The following CNTLN variants were observed in gnomAD, a reference collection of about 807,000 sequenced individuals.
CNTLN encodes centlein.
A neutral mutation model predicts 180.0 loss-of-function variants in CNTLN; 212 were observed. The observed-to-expected ratio is 1.18, with a 90% confidence interval of 1.05 to 1.32. CNTLN has a LOEUF of 1.32. Among genes scored for constraint, CNTLN ranks in the 40% most tolerant of loss-of-function variants. The probability of loss-of-function intolerance (pLI) is 0.00; values close to 1 mark genes in which losing one functional copy is unlikely to be tolerated. For synonymous variants in CNTLN, 722 were observed against 563.1 expected (o/e 1.28, Z -3.99); for missense variants, 2,095 against 1,610.9 (o/e 1.30, Z -5.14).
chr9:17,339,485 G>T (rs1329320306), intron 10 of CNTLN, among the ~76,000 whole-genome samples: 2 of 152,088 alleles, frequency 1.3e-5, no homozygotes, highest in Non-Finnish European at 2.9e-5. Context: ...TCCATATTTT[G>T]CAGGAAAAAA....
At chr9:17,217,669 C>A (rs1427542743) in intron 2 of CNTLN, among the ~76,000 whole-genome samples, 2 of 152,132 alleles carry the variant, frequency 1.3e-5, no homozygotes, top group Non-Finnish European at 2.9e-5. Context: ...AATATTTGCA[C>A]AATCATGAAA....
chr9:17,412,807 C>T (rs555192591), intron 16 of CNTLN, among the ~76,000 whole-genome samples: 4 of 152,100 alleles, frequency 2.6e-5, no homozygotes, highest in South Asian at 2.1e-4. Context: ...GTATATGACA[C>T]GTATATTAAA....
In CNTLN at chr9:17,394,659, TAC is replaced by T; in HGVS notation, c.2207_2208del (p.Thr736ArgfsTer15). The T allele has an allele frequency of 6.2e-7, 1 of 1,612,514 alleles. No homozygotes were observed. Among genetic ancestry groups the T allele is most frequent in the Non-Finnish European group, 8.5e-7 (1 of 1,179,354 alleles). ...CCCTCTTAAAACAGCAACAAGAAGATACAGAGACCAGAGAAAAAGAGCTAGAA... is the reference window on the plus strand; with the variant it reads ...CCCTCTTAAAACAGCAACAAGAAGATAGAGACCAGAGAAAAAGAGCTAGAA... The part of the protein sequence containing the change: ...KSLLKQQQED[T>X]ETREKELEQI... On this transcript the variant is annotated frameshift_variant, in exon 15 of 26. Coordinates refer to ENST00000380647, the MANE Select transcript of CNTLN (RefSeq NM_017738.4). LOFTEE classifies it high-confidence loss of function.
Position 17,503,831 on chromosome 9 carries a change from A to T in CNTLN, c.*1179A>T, listed in dbSNP as rs1378041653. ...GTTTTTGCCTTATTAAATGGTTTTT[A>T]AAAAATCAAAAGGAGAATAATATTT... On this transcript the variant is annotated 3_prime_UTR_variant, in exon 26 of 26. Coordinates refer to ENST00000380647, the MANE Select transcript of CNTLN (RefSeq NM_017738.4). 6.6e-6 allele frequency: 1 copy of T among 152,640 alleles called. No homozygotes were observed. Among genetic ancestry groups the T allele is most frequent in the Non-Finnish European group, 1.5e-5 (1 of 68,038 alleles). 9.5% of individuals were successfully genotyped at this position (152,640 alleles called of 1,614,324 possible). A position where few individuals can be genotyped will look rare whatever the true frequency, so the allele number is the denominator to read the frequency against.
chr9:17,351,337 C>T (rs1450661848), intron 12 of CNTLN, among the ~76,000 whole-genome samples: 1 of 152,164 alleles, frequency 6.6e-6, no homozygotes, highest in Non-Finnish European at 1.5e-5. Context: ...ACTTTCAGAC[C>T]TGTATATCTA....
At position 17,433,709 on chromosome 9, in the gene CNTLN, C is replaced by T. The variant is rs184664079; in HGVS notation, c.3114+17520C>T. Among the ~76,000 whole-genome samples the T allele has an allele frequency of 2.1e-3, 313 of 151,868 alleles. 1 individual carries two copies. The highest frequency in any genetic ancestry group is 7.1e-3 in the African/African-American group (295 of 41,400). ...GTGACGTGATCATGGCTCACTGTAA[C>T]CTCAAACTGCTGGGTGTGTGTCACC... On this transcript the variant is annotated intron_variant, in intron 18 of 25. Transcript: ENST00000380647.
intron 18 of CNTLN, among the ~76,000 whole-genome samples, chr9:17,429,076 A>T (rs1414227838): frequency 1.3e-5 from 2 of 152,070 alleles, no homozygotes; most frequent in African/African-American, 4.8e-5. Context: ...TTGTATATTT[A>T]TATAGATGTT....
chr9:17,364,298 C>G (rs986823455), intron 12 of CNTLN, among the ~76,000 whole-genome samples: 9 of 152,062 alleles, frequency 5.9e-5, no homozygotes, highest in African/African-American at 2.2e-4. Context: ...TTGTATACCT[C>G]TACTGTTTTC....
At chr9:17,494,832 G>T in intron 25 of CNTLN, 1 of 389,166 alleles carries the variant, frequency 2.6e-6, no homozygotes, top group South Asian at 2.0e-5. Context: ...ACTCAATAAT[G>T]ATAATAAATG....
At chr9:17,436,201 T>C (rs1305392254) in intron 18 of CNTLN, among the ~76,000 whole-genome samples, 1 of 152,198 alleles carries the variant, frequency 6.6e-6, no homozygotes, top group Non-Finnish European at 1.5e-5. Context: ...CATTATATAC[T>C]ATTGTTTAGT....
chr9:17,417,476 T>G (rs1032909228), intron 18 of CNTLN, among the ~76,000 whole-genome samples: 9 of 152,162 alleles, frequency 5.9e-5, no homozygotes, highest in Middle Eastern at 3.4e-3. Flanking sequence ...AATTCTCAAC[T>G]TTAATTGTTC....
chr9:17,398,174 G>A (rs1448373508), intron 15 of CNTLN, among the ~76,000 whole-genome samples: 2 of 152,088 alleles, frequency 1.3e-5, no homozygotes, highest in African/African-American at 2.4e-5. Context: ...TCTTCAAGAA[G>A]AAAAATAGAA....
intron 16 of CNTLN, among the ~76,000 whole-genome samples, chr9:17,410,258 G>A (rs543616306): frequency 1.3e-5 from 2 of 152,146 alleles, no homozygotes; most frequent in South Asian, 4.1e-4. Flanking sequence ...CATGTATGTT[G>A]AGGTATATCA....
intron 10 of CNTLN, 78 bp downstream of exon 10, chr9:17,332,808 T>A (rs1026237945): frequency 6.8e-6 from 8 of 1,170,646 alleles, no homozygotes; most frequent in African/African-American, 6.4e-5. Flanking sequence ...GTTCATAGAT[T>A]ACTAGTTGTC....
intron 3 of CNTLN, among the ~76,000 whole-genome samples, chr9:17,227,250 T>C (rs1182076989): frequency 6.6e-6 from 1 of 151,892 alleles, no homozygotes; most frequent in African/African-American, 2.4e-5. Context: ...GGGACAGATA[T>C]TCAAACTATA....
intron 5 of CNTLN, among the ~76,000 whole-genome samples, chr9:17,240,840 T>A (rs1261556868): frequency 6.6e-6 from 1 of 152,006 alleles, no homozygotes; most frequent in Non-Finnish European, 1.5e-5. Flanking sequence ...TCCTGTAGAG[T>A]TCCTGCAATG....
At chr9:17,200,301 G>A (rs992265632) in intron 2 of CNTLN, among the ~76,000 whole-genome samples, 1 of 152,120 alleles carries the variant, frequency 6.6e-6, no homozygotes, top group Non-Finnish European at 1.5e-5. Flanking sequence ...TTTTTGCTTA[G>A]GATTGTCTTG....
intron 18 of CNTLN, among the ~76,000 whole-genome samples, chr9:17,417,401 T>C (rs1022677037): frequency 6.6e-6 from 1 of 152,142 alleles, no homozygotes; most frequent in Non-Finnish European, 1.5e-5. Context: ...ACTATCTGTA[T>C]TCCTAGGTTT....
chr9:17,474,730 T>C (rs1832238871), intron 23 of CNTLN, among the ~76,000 whole-genome samples: 1 of 152,058 alleles, frequency 6.6e-6, no homozygotes, highest in Non-Finnish European at 1.5e-5. Flanking sequence ...TAGCCAGGCA[T>C]GGTGGCAAGC....
Sources: gnomAD v4.1 joint callset for allele counts (sites outside exome capture counted in the v4.1 genomes callset) on GRCh38, gnomAD v4.1.1 for gene constraint, MANE v1.5 for transcripts, NCBI Gene and HGNC (gene_info 2026-07-23, HGNC 2026-07-21) for gene names.